Variants in TP53BP2 observed in about 807,000 individuals in gnomAD.
TP53BP2 encodes apoptosis-stimulating of p53 protein 2.
TP53BP2 carries 62 observed loss-of-function variants against 126.2 expected under a neutral mutation model. The ratio of observed to expected loss-of-function variants is 0.49; its 90% CI spans 0.40 to 0.61. TP53BP2 has a LOEUF of 0.61. Ranked by LOEUF, TP53BP2 falls within the 20% of genes least tolerant of loss-of-function variation. The pLI, the probability that TP53BP2 is intolerant of heterozygous loss-of-function variation, is 0.00. For synonymous variants in TP53BP2, 485 were observed against 502.9 expected (o/e 0.96, Z 0.48); for missense variants, 1,215 against 1,402.8 (o/e 0.87, Z 2.14).
chr1:223,831,167 C>T (rs1663692437), intron 1 of TP53BP2, among the ~76,000 whole-genome samples: 1 of 150,026 alleles, frequency 6.7e-6, no homozygotes. Context: ...AGGATCACTT[C>T]AGGCCAGGAG....
In TP53BP2 at chr1:223,802,198, G is replaced by A; in HGVS notation, c.1143C>T (p.Ser381=). ...GCCCCTCTGAAGCCTGAATGACCAA[G>A]GAACCATCCGGCAGGGCTGGCTTCA... ...LLVKPALPDG[S]LVIQASEGPM... Residue 381 remains serine, a synonymous_variant, in exon 9 of 18, where the codon TCC becomes TCT. Coordinates refer to ENST00000343537, the MANE Select transcript of TP53BP2 (RefSeq NM_001031685.3). The A allele has an allele frequency of 6.2e-7, 1 of 1,614,210 alleles. No individual in the cohort carries two copies. Among genetic ancestry groups the A allele is most frequent in the East Asian group, 2.2e-5 (1 of 44,884 alleles).
At chr1:223,803,500 A>G in intron 6 of TP53BP2, 48 bp from the exon 7 acceptor site, 1 of 1,520,974 alleles carries the variant, frequency 6.6e-7, no homozygotes, top group Non-Finnish European at 8.9e-7. Flanking sequence ...AAAAATAAGA[A>G]TGGACTACTT....
intron 13 of TP53BP2, among the ~76,000 whole-genome samples, chr1:223,794,735 C>G (rs1153935): frequency 6.6e-6 from 1 of 152,128 alleles, no homozygotes; most frequent in African/African-American, 2.4e-5. Context: ...TCAGAACTTA[C>G]GAGGCACAGG....
intron 1 of TP53BP2, among the ~76,000 whole-genome samples, chr1:223,837,492 T>C (rs1238828257): frequency 6.6e-6 from 1 of 152,168 alleles, no homozygotes; most frequent in African/African-American, 2.4e-5. Flanking sequence ...GGGTAAGTGC[T>C]ACTGTTTCTC....
At chr1:223,810,537 T>C (rs372428030) in intron 3 of TP53BP2, 24 bp from the exon 4 acceptor site, 214 of 1,502,056 alleles carry the variant, frequency 1.4e-4, no homozygotes, top group Non-Finnish European at 1.8e-4. Context: ...TCAAAAACTA[T>C]GCATTAACAC....
At chr1:223,807,613 TA>T (rs36017111) in intron 4 of TP53BP2, among the ~76,000 whole-genome samples, 7,283 of 144,702 alleles carry the variant, frequency 0.05, 235 homozygotes, top group Middle Eastern at 0.082. Flanking sequence ...ACTGCAGGAT[TA>T]AAAAAAAAAA....
intron 2 of TP53BP2, among the ~76,000 whole-genome samples, chr1:223,818,616 C>T (rs1368103098): frequency 6.6e-6 from 1 of 150,804 alleles, no homozygotes; most frequent in Non-Finnish European, 1.5e-5. Flanking sequence ...GTCACCCAGG[C>T]TGGAGTGGAG....
chr1:223,817,467 C>A (rs1663129242), intron 2 of TP53BP2, among the ~76,000 whole-genome samples: 1 of 152,034 alleles, frequency 6.6e-6, no homozygotes, highest in Non-Finnish European at 1.5e-5. Flanking sequence ...CCAAAGAATT[C>A]CATTTTTGGC....
intron 15 of TP53BP2, 151 bp from the exon 16 acceptor site, chr1:223,789,325 C>T (rs1323002300): frequency 1.3e-5 from 11 of 828,234 alleles, no homozygotes; most frequent in Non-Finnish European, 2.0e-5. Flanking sequence ...CAGTTCAACA[C>T]AGATGATTGA....
intron 16 of TP53BP2, among the ~76,000 whole-genome samples, chr1:223,788,500 C>G (rs1300287955): frequency 6.6e-6 from 1 of 152,056 alleles, no homozygotes; most frequent in Non-Finnish European, 1.5e-5. Flanking sequence ...CTGATGTTAG[C>G]AATCAGAATC....
chr1:223,804,414 C>T (rs959095230), intron 5 of TP53BP2, 66 bp from the exon 6 acceptor site: 1 of 1,412,136 alleles, frequency 7.1e-7, no homozygotes, highest in Non-Finnish European at 9.9e-7. Flanking sequence ...TCAAAATAGC[C>T]TAACTGCAAC....
intron 8 of TP53BP2, 129 bp from the exon 9 acceptor site, chr1:223,802,473 A>G: frequency 9.1e-6 from 9 of 993,352 alleles, no homozygotes; most frequent in Admixed American, 2.9e-5. Context: ...GAGTCTACAA[A>G]AAACATTCCA....
intron 2 of TP53BP2, among the ~76,000 whole-genome samples, chr1:223,816,542 C>A (rs1663094154): frequency 6.6e-6 from 1 of 151,790 alleles, no homozygotes; most frequent in African/African-American, 2.4e-5. Context: ...AACCAAAAAG[C>A]CAAATGGCCA....
At chr1:223,811,761 G>A (rs1662914116) in intron 3 of TP53BP2, among the ~76,000 whole-genome samples, 1 of 152,154 alleles carries the variant, frequency 6.6e-6, no homozygotes, top group Non-Finnish European at 1.5e-5. Context: ...AAAACAGTAA[G>A]TTAACACCTT....
At chr1:223,810,741 C>T (rs1422637952) in intron 3 of TP53BP2, among the ~76,000 whole-genome samples, 2 of 152,132 alleles carry the variant, frequency 1.3e-5, no homozygotes, top group African/African-American at 4.8e-5. Context: ...TATCACATGC[C>T]ACCTATTCAT....
intron 1 of TP53BP2, among the ~76,000 whole-genome samples, chr1:223,832,415 T>C (rs932957295): frequency 2.6e-5 from 4 of 152,230 alleles, no homozygotes; most frequent in African/African-American, 7.2e-5. Context: ...TGTTTCACAA[T>C]TCCTCTGCAG....
rs149045904 is a variant in TP53BP2 at position 223,840,724 on chromosome 1, G to A, written c.27+4930C>T. ...CTGCTGAGGCGGTGGGGATAAAGACGGAGGGAACACAGCTCTTCCTAGAAG... is the reference window on the plus strand; with the variant it reads ...CTGCTGAGGCGGTGGGGATAAAGACAGAGGGAACACAGCTCTTCCTAGAAG... On this transcript the variant is annotated intron_variant, in intron 1 of 17. Coordinates refer to ENST00000343537, the MANE Select transcript of TP53BP2 (RefSeq NM_001031685.3). Among the ~76,000 whole-genome samples, 316 of 152,288 alleles carry A rather than the reference G, an allele frequency of 2.1e-3. 2 individuals carry two copies. Among genetic ancestry groups the A allele is most frequent in the African/African-American group, 4.8e-3 (201 of 41,550 alleles).
chr1:223,795,800 T>C lies in TP53BP2; in HGVS notation c.2724+15A>G, dbSNP rs758636094. The C allele has an allele frequency of 8.0e-6, 12 of 1,496,320 alleles. No individual in the cohort carries two copies. In the East Asian group the frequency reaches 1.6e-4, roughly 20 times the overall value. 92.7% of individuals were successfully genotyped at this position (1,496,320 alleles called of 1,614,324 possible). ...AAGGACTCCGGAAAAGGCTATGAGA[T>C]AGTACATTACTTACAGGAGGCAGAG... On this transcript the variant is annotated intron_variant, in intron 13 of 17. Coordinates refer to ENST00000343537, the MANE Select transcript of TP53BP2 (RefSeq NM_001031685.3).
intron 2 of TP53BP2, 78 bp from the exon 3 acceptor site, chr1:223,814,431 G>T: frequency 9.6e-7 from 1 of 1,046,012 alleles, no homozygotes; most frequent in Non-Finnish European, 1.5e-6. Flanking sequence ...TATCCTTCAT[G>T]CAAATTATAC....
Sources: allele counts gnomAD v4.1 joint callset (sites outside exome capture counted in the v4.1 genomes callset), GRCh38; gene constraint gnomAD v4.1.1; transcripts MANE v1.5; gene names NCBI Gene and HGNC (gene_info 2026-07-23, HGNC 2026-07-21).